RACK1: variants seen among roughly 807,000 people sequenced by gnomAD.
The protein encoded by RACK1 is small ribosomal subunit protein RACK1.
Under a neutral mutation model 42.2 loss-of-function variants are expected in RACK1, and 3 were observed. That is an observed-to-expected ratio of 0.07 (90% CI 0.03 to 0.18). The LOEUF is 0.18. Among genes scored for constraint, RACK1 ranks in the 10% least tolerant of loss-of-function variants. RACK1 has a pLI of 1.00. For synonymous variants in RACK1, 181 were observed against 154.8 expected (o/e 1.17, Z -1.25); for missense variants, 146 against 403.2 (o/e 0.36, Z 5.46).
rs541207844 is a variant in RACK1, at chr5:181,237,520, CTT to C, written c.888+87_888+88del. 7.2e-4 allele frequency: 572 copies of C among 795,958 alleles called. 1 individual carries two copies. The African/African-American group carries it at 8.8e-3, about 12-fold the overall frequency. 49.3% of individuals were successfully genotyped at this position (795,958 alleles called of 1,614,324 possible). A position where few individuals can be genotyped will look rare whatever the true frequency, so the allele number is the denominator to read the frequency against. On this transcript the variant is annotated intron_variant, in intron 7 of 7. Coordinates refer to ENST00000512805, the MANE Select transcript of RACK1 (RefSeq NM_006098.5). ...TTCACTTTATGCCAAGGACACTGCT[CTT>C]GTGTCTGACAGACTAGATATACTAA... is the stretch of plus-strand genomic sequence containing the variant.
At chr5:181,239,708 T>A in intron 3 of RACK1, 126 bp from the exon 4 acceptor site, 1 of 619,432 alleles carries the variant, frequency 1.6e-6, no homozygotes, top group Non-Finnish European at 2.9e-6. Flanking sequence ...CCCAAACCTT[T>A]AAGCTCAATA....
chr5:181,243,330 T>G (rs544135297), intron 1 of RACK1: 1 of 1,367,048 alleles, frequency 7.3e-7, no homozygotes, highest in African/African-American at 1.5e-5. Context: ...AAACAGCCTC[T>G]GGATTTCAGC....
At chr5:181,242,585 T>C (rs1234264288) in intron 1 of RACK1, 3 of 557,726 alleles carry the variant, frequency 5.4e-6, no homozygotes, top group African/African-American at 1.9e-5. Flanking sequence ...TGAGATGGAG[T>C]CTCGCTCTGT....
intron 2 of RACK1, 24 bp from the exon 3 acceptor site, chr5:181,241,663 C>G (rs1203971076): frequency 6.2e-7 from 1 of 1,613,072 alleles, no homozygotes; most frequent in Non-Finnish European, 8.5e-7. Flanking sequence ...GTTTGTCATT[C>G]TCAGACTTAG....
intron 5 of RACK1, chr5:181,238,806 AAACAAAAAACAAACAAACAAAAAAAC>A: frequency 2.2e-6 from 1 of 450,804 alleles, no homozygotes; most frequent in South Asian, 2.0e-5. Flanking sequence ...CTCAAAAAAA[AAACAAAAAACAAACAAACAAAAAAAC>A]AACAAAAAAA....
chr5:181,237,456 A>G (rs1158650613), intron 7 of RACK1, 153 bp downstream of exon 7: 1 of 670,082 alleles, frequency 1.5e-6, no homozygotes, highest in Non-Finnish European at 2.7e-6. Context: ...ATTCACTGGC[A>G]TGGCAAACGA....
chr5:181,243,728 G>A lies in RACK1; in HGVS notation c.73C>T (p.Pro25Ser), dbSNP rs1759446218. 6.2e-7 allele frequency: 1 copy of A among 1,609,630 alleles called. No individual in the cohort carries two copies. Among genetic ancestry groups the A allele is most frequent in the Non-Finnish European group, 8.5e-7 (1 of 1,178,164 alleles). The part of the protein sequence containing the change: ...NGWVTQIATT[P>S]QFPDMILSAS... The stretch of plus-strand genomic sequence containing the variant: ...GAGAGGATCATGTCCGGGAACTGCG[G>A]GGTAGTAGCGATCTGGGTTACCCAG... The change falls in exon 1 of 8, where the codon CCG becomes TCG. Residue 25 changes from proline (P) to serine (S), a missense_variant. Physicochemically the swap from Pro to Ser is moderately conservative, Grantham distance 74. Coordinates refer to ENST00000512805, the MANE Select transcript of RACK1 (RefSeq NM_006098.5).
At chr5:181,239,406 G>T (rs1411069973) in intron 4 of RACK1, 81 bp downstream of exon 4, 1 of 1,010,242 alleles carries the variant, frequency 9.9e-7, no homozygotes, top group Non-Finnish European at 1.6e-6. Context: ...CATCTGCAAA[G>T]CTTTCCACAG....
chr5:181,243,728 G>C lies in RACK1; in HGVS notation c.73C>G (p.Pro25Ala), dbSNP rs1759446218. ...GAGAGGATCATGTCCGGGAACTGCGGGGTAGTAGCGATCTGGGTTACCCAG... is the reference window on the plus strand; with the variant it reads ...GAGAGGATCATGTCCGGGAACTGCGCGGTAGTAGCGATCTGGGTTACCCAG... ...NGWVTQIATT[P>A]QFPDMILSAS... Residue 25 changes from proline (P) to alanine (A), a missense_variant, in exon 1 of 8, where the codon CCG becomes GCG. Coordinates refer to ENST00000512805, the MANE Select transcript of RACK1 (RefSeq NM_006098.5). The C allele has an allele frequency of 6.2e-7, 1 of 1,609,510 alleles. No individual in the cohort carries two copies. Among genetic ancestry groups the C allele is most frequent in the Non-Finnish European group, 8.5e-7 (1 of 1,178,172 alleles).
chr5:181,237,544 C>A (rs1759187235), intron 7 of RACK1, 65 bp downstream of exon 7: 2 of 877,266 alleles, frequency 2.3e-6, no homozygotes, highest in Non-Finnish European at 3.9e-6. Context: ...ACTAGATATA[C>A]TAACAGAATG....
intron 7 of RACK1, 50 bp from the exon 8 acceptor site, chr5:181,237,092 G>T (rs1438289267): frequency 1.9e-6 from 3 of 1,610,106 alleles, no homozygotes; most frequent in Non-Finnish European, 2.5e-6. Context: ...AAATTCTGCA[G>T]TCTCACTAGA....
intron 1 of RACK1, 137 bp downstream of exon 1, chr5:181,243,555 A>G: frequency 7.2e-7 from 1 of 1,385,130 alleles, no homozygotes; most frequent in Non-Finnish European, 9.8e-7. Context: ...CCAATTCACA[A>G]TGGGGCAGAG....
rs770454166 is a variant in RACK1, at chr5:181,237,600, C to A, written c.888+9G>T. On this transcript the variant is annotated intron_variant, in intron 7 of 7. Coordinates refer to ENST00000512805, the MANE Select transcript of RACK1 (RefSeq NM_006098.5). ...AAGCAGAATCACCTGAGAGGACAGA[C>A]CCACTTACCTGGCCATCAGCAGACC... 1.4e-6 allele frequency: 2 copies of A among 1,450,588 alleles called. No homozygotes were observed. Among genetic ancestry groups the A allele is most frequent in the Non-Finnish European group, 1.9e-6 (2 of 1,030,394 alleles). 89.9% of individuals were successfully genotyped at this position (1,450,588 alleles called of 1,614,324 possible). A position where few individuals can be genotyped will look rare whatever the true frequency, so the allele number is the denominator to read the frequency against.
chr5:181,238,215 G>C lies in RACK1; in HGVS notation c.661C>G (p.Leu221Val). 1.9e-6 allele frequency: 3 copies of C among 1,614,102 alleles called. No individual in the cohort carries two copies. The highest frequency in any genetic ancestry group is 2.5e-6 in the Non-Finnish European group (3 of 1,180,014). The change falls in exon 6 of 8, where the codon CTC (leucine) becomes GTC (valine). Residue 221 changes from leucine (L) to valine (V), a missense_variant. Leu to Val is a conservative substitution (Grantham distance 32). Transcript: ENST00000512805. ...GTGTAAAGGTGTTTGCCTTCGTTGA[G>C]ATCCCATAACATGGCCTGGCCATCC... The part of the protein sequence containing the change: ...GKDGQAMLWD[L>V]NEGKHLYTLD...
chr5:181,243,635 C>A (rs1443331808), intron 1 of RACK1, 57 bp downstream of exon 1: 1 of 1,541,192 alleles, frequency 6.5e-7, no homozygotes, highest in Non-Finnish European at 8.8e-7. Flanking sequence ...CCCTACACGA[C>A]ACGCGGAATC....
chr5:181,239,378 G>A (rs1235004654), intron 4 of RACK1, 109 bp downstream of exon 4: 2 of 832,626 alleles, frequency 2.4e-6, no homozygotes, highest in Non-Finnish European at 4.2e-6. Context: ...TGTGACAAGA[G>A]AAAGAGTCAA....
At position 181,242,619 on chromosome 5, in the gene RACK1, A is replaced by G. The variant is rs6891817; in HGVS notation, c.110-274T>C. On this transcript the variant is annotated intron_variant, in intron 1 of 7. Transcript: ENST00000512805. ...GTCGCCCAGGCTGGAGTGCAGTGGC[A>G]TGATCTCGGCTCACTCCAAACTCCA... The G allele has an allele frequency of 5.7e-3, 2,802 of 492,434 alleles. 58 individuals are homozygous for G. Among genetic ancestry groups the G allele is most frequent in the African/African-American group, 0.051 (2,600 of 51,408 alleles). The allele number at this position is 492,434 out of a possible 1,614,324, so 30.5% of individuals were successfully genotyped here. A position where few individuals can be genotyped will look rare whatever the true frequency, so the allele number is the denominator to read the frequency against.
intron 7 of RACK1, 144 bp downstream of exon 7, chr5:181,237,465 G>A (rs540052966): frequency 2.2e-5 from 15 of 674,168 alleles, no homozygotes; most frequent in East Asian, 5.4e-5. Context: ...CATGGCAAAC[G>A]AGGGCATCCT....
intron 7 of RACK1, chr5:181,237,372 G>C: frequency 1.4e-6 from 1 of 703,726 alleles, no homozygotes; most frequent in African/African-American, 1.7e-5. Flanking sequence ...AAACTGGTCA[G>C]ATTAATTAAG....
Sources: allele counts gnomAD v4.1 joint callset, GRCh38; gene constraint gnomAD v4.1.1; transcripts MANE v1.5; gene names NCBI Gene and HGNC (gene_info 2026-07-23, HGNC 2026-07-21).